C5orf34: variants seen among roughly 807,000 people sequenced by gnomAD.
C5orf34 encodes uncharacterized protein C5orf34.
In C5orf34, 73 loss-of-function variants were observed where a neutral mutation model predicts 78.4. That is an observed-to-expected ratio of 0.93 (90% CI 0.77 to 1.13). The LOEUF (loss-of-function observed/expected upper bound fraction) is 1.13, where lower values mean the gene tolerates loss of function less well. Among genes scored for constraint, C5orf34 ranks in the 50% most tolerant of loss-of-function variants. The pLI is 0.00. For missense variants in C5orf34, 730 were observed against 732.7 expected, an observed-to-expected ratio of 1.00 and a Z score of 0.04; for synonymous variants, 251 against 246.6, an observed-to-expected ratio of 1.02 and a Z score of -0.17.
chr5:43,494,740 T>C, intron 6 of C5orf34, 139 bp from the exon 7 acceptor site: 1 of 511,544 alleles, frequency 2.0e-6, no homozygotes, highest in South Asian at 3.9e-5. Flanking sequence ...CACAAAATCA[T>C]GGTATTTTAT....
chr5:43,511,272 C>A (rs1438914000), intron 1 of C5orf34: 3 of 172,266 alleles, frequency 1.7e-5, no homozygotes, highest in South Asian at 2.6e-4. Flanking sequence ...AAGTGAGGAG[C>A]CCCTCCGCCC....
chr5:43,505,132 T>C (rs1218991869), intron 4 of C5orf34, among the ~76,000 whole-genome samples: 2 of 152,238 alleles, frequency 1.3e-5, no homozygotes, highest in Non-Finnish European at 2.9e-5. Flanking sequence ...GTTTTTATCA[T>C]TATGATTTGC....
intron 8 of C5orf34, 126 bp from the exon 9 acceptor site, chr5:43,493,016 A>T: frequency 1.8e-6 from 1 of 569,384 alleles, no homozygotes; most frequent in Non-Finnish European, 2.9e-6. Context: ...AAATCCTTAT[A>T]TTTTAATTTT....
intron 6 of C5orf34, 21 bp downstream of exon 6, chr5:43,502,351 T>G (rs1469371187): frequency 6.2e-7 from 1 of 1,610,134 alleles, no homozygotes; most frequent in African/African-American, 1.3e-5. Flanking sequence ...TCTTCTTGAG[T>G]TGAGTTCATT....
intron 3 of C5orf34, among the ~76,000 whole-genome samples, chr5:43,508,282 A>G (rs180808001): frequency 5.9e-5 from 9 of 152,322 alleles, no homozygotes; most frequent in African/African-American, 2.2e-4. Flanking sequence ...TAAAGGTCAT[A>G]CCCATAGTTA....
rs574490072 is a variant in C5orf34 at position 43,495,850 on chromosome 5, C to T, written c.1153-1249G>A. ...TGAGCCAAGGCATGTTAGCACTCGG[C>T]TCCAGCATGTTGTCACCATTCCAAC... On this transcript the variant is annotated intron_variant, in intron 6 of 12. Transcript: ENST00000306862. 2.0e-4 allele frequency: 324 copies of T among 1,593,038 alleles called. 2 individuals carry two copies. In the South Asian group the frequency reaches 3.3e-3, roughly 16 times the overall value.
chr5:43,492,699 C>G (rs772658740), intron 9 of C5orf34, 21 bp downstream of exon 9: 1 of 1,590,580 alleles, frequency 6.3e-7, no homozygotes, highest in Non-Finnish European at 8.6e-7. Context: ...AAAAATAGAT[C>G]TAAGTCTGAA....
intron 3 of C5orf34, among the ~76,000 whole-genome samples, chr5:43,507,634 A>G (rs1207743118): frequency 6.6e-6 from 1 of 152,230 alleles, no homozygotes; most frequent in African/African-American, 2.4e-5. Flanking sequence ...GCAGGCAAGC[A>G]TCTTGACAGC....
intron 5 of C5orf34, among the ~76,000 whole-genome samples, chr5:43,503,246 G>A (rs1745838071): frequency 6.6e-6 from 1 of 152,182 alleles, no homozygotes. Flanking sequence ...CACTCAATGA[G>A]TATTTGCTTT....
intron 1 of C5orf34, chr5:43,514,118 C>G (rs960150896): frequency 1.3e-5 from 2 of 152,214 alleles, no homozygotes; most frequent in African/African-American, 4.8e-5. Context: ...ACTTTCCACT[C>G]CATGCCCCTG....
rs528022409 is a variant in C5orf34, at chr5:43,504,531, G to A, written c.933-771C>T. The stretch of plus-strand genomic sequence containing the variant: ...ACTCTAAAGAAGTTAGGTTTAAGCT[G>A]AAACCTGGAAATGAGCATAATTTAG... On this transcript the variant is annotated intron_variant, in intron 4 of 12. Coordinates refer to ENST00000306862, the MANE Select transcript of C5orf34 (RefSeq NM_198566.4). Among the ~76,000 whole-genome samples the A allele has an allele frequency of 3.2e-4, 48 of 152,270 alleles. 1 individual carries two copies. In the Middle Eastern group the frequency reaches 0.014, roughly 43 times the overall value.
At chr5:43,506,537 C>A (rs1423026833) in intron 3 of C5orf34, 143 bp from the exon 4 acceptor site, 1 of 716,318 alleles carries the variant, frequency 1.4e-6, no homozygotes, top group Non-Finnish European at 2.1e-6. Flanking sequence ...AATGGAGGGC[C>A]AGATCTCAGC....
At position 43,496,013 on chromosome 5, in the gene C5orf34, A is replaced by G. The variant is rs1745502274; in HGVS notation, c.1153-1412T>C. 26 of 1,591,242 alleles carry G rather than the reference A, an allele frequency of 1.6e-5. No homozygotes were observed. In the South Asian group the frequency reaches 2.6e-4, roughly 16 times the overall value. On this transcript the variant is annotated intron_variant, in intron 6 of 12. Transcript: ENST00000306862. Reference sequence around the variant, plus strand: ...GGAATCCATTTTGTTAACACCAACAATTAGTTGTTTCACACCCAGTGTGTA... The same window carrying G: ...GGAATCCATTTTGTTAACACCAACAGTTAGTTGTTTCACACCCAGTGTGTA...
At chr5:43,510,666 C>T (rs182238362) in intron 1 of C5orf34, among the ~76,000 whole-genome samples, 73 of 152,368 alleles carry the variant, frequency 4.8e-4, no homozygotes, top group Admixed American at 9.1e-4. Flanking sequence ...TGGTCTCCAG[C>T]TCCTAACCGC....
intron 3 of C5orf34, among the ~76,000 whole-genome samples, chr5:43,507,233 C>T (rs1471559761): frequency 1.3e-5 from 2 of 152,180 alleles, no homozygotes; most frequent in Non-Finnish European, 2.9e-5. Context: ...AAGATATAAA[C>T]AGTAGATATT....
Position 43,495,173 on chromosome 5 carries a change from C to T in C5orf34, c.1153-572G>A, listed in dbSNP as rs147328122. ...GATGACACCCACCGCAACTGTCTGT[C>T]TCATATCACGAACAGCAAAATGACC... On this transcript the variant is annotated intron_variant, in intron 6 of 12. Coordinates refer to ENST00000306862, the MANE Select transcript of C5orf34 (RefSeq NM_198566.4). The T allele has an allele frequency of 2.5e-3, 4,087 of 1,610,612 alleles. 84 individuals are homozygous for T. In the African/African-American group the frequency reaches 0.048, roughly 19 times the overall value.
chr5:43,496,582 A>ATTTTT (rs70994702), intron 6 of C5orf34: 3 of 428,688 alleles, frequency 7.0e-6, no homozygotes, highest in South Asian at 3.7e-5. Context: ...GTTTTTTTTA[A>ATTTTT]TTTTTTTTTT....
Position 43,492,455 on chromosome 5 carries a change from G to A in C5orf34, c.1486-146C>T, listed in dbSNP as rs992833235. ...TAAATGTTGTTTACATGAGATATGG[G>A]TGTTATTTAACCACCACTCATATAG... On this transcript the variant is annotated intron_variant, in intron 9 of 12. Transcript: ENST00000306862. The A allele has an allele frequency of 1.1e-5, 7 of 641,168 alleles. No homozygotes were observed. In the African/African-American group the frequency reaches 1.1e-4, roughly 10 times the overall value. The allele number at this position is 641,168 out of a possible 1,614,324, so 39.7% of individuals were successfully genotyped here.
intron 6 of C5orf34, 48 bp downstream of exon 6, chr5:43,502,324 G>C: frequency 6.3e-7 from 1 of 1,595,890 alleles, no homozygotes; most frequent in East Asian, 2.2e-5. Flanking sequence ...TATTTAGAAA[G>C]AGCTATACAG....
Sources: allele counts gnomAD v4.1 joint callset (sites outside exome capture counted in the v4.1 genomes callset), GRCh38; gene constraint gnomAD v4.1.1; transcripts MANE v1.5; gene names NCBI Gene and HGNC (gene_info 2026-07-23, HGNC 2026-07-21).